The following ANK3 variants were observed in gnomAD, a reference collection of about 807,000 sequenced individuals.
ANK3 encodes the protein ankyrin 3.
A neutral mutation model predicts 370.9 loss-of-function variants in ANK3; 57 were observed. The ratio of observed to expected loss-of-function variants is 0.15; its 90% CI spans 0.12 to 0.19. ANK3 has a LOEUF of 0.19. Ranked by LOEUF, ANK3 falls within the 10% of genes least tolerant of loss-of-function variation. ANK3 has a pLI of 1.00. For missense variants in ANK3, 4,439 were observed against 5,302.1 expected (o/e 0.84, Z 5.06); for synonymous variants, 1,929 against 1,946.3 (o/e 0.99, Z 0.23).
intron 1 of ANK3, among the ~76,000 whole-genome samples, chr10:60,634,417 T>A (rs963327043): frequency 6.6e-6 from 1 of 151,762 alleles, no homozygotes; most frequent in Non-Finnish European, 1.5e-5. Flanking sequence ...CTGGGTCGAG[T>A]GGGGACTTGG....
chr10:60,521,606 C>T (rs991945435), intron 2 of ANK3, among the ~76,000 whole-genome samples: 3 of 152,222 alleles, frequency 2.0e-5, no homozygotes, highest in Middle Eastern at 3.4e-3. Context: ...AAGACCAATA[C>T]AGACAGTAGC....
In ANK3 at chr10:60,074,419, A is replaced by C. The variant is rs759164375; in HGVS notation, c.6462T>G (p.His2154Gln). 5.6e-6 allele frequency: 9 copies of C among 1,614,010 alleles called. No individual in the cohort carries two copies. Among genetic ancestry groups the C allele is most frequent in the Middle Eastern group, 3.3e-4 (2 of 6,082 alleles). Residue 2154 changes from histidine to glutamine, a missense_variant, in exon 37 of 44, where the codon CAT (histidine) becomes CAG (glutamine). By Grantham distance (24) the His-to-Gln change is conservative. Transcript: ENST00000280772. Reference protein sequence around the residue: ...AESTGPKPLFHEVPIPPVITE... With the variant: ...AESTGPKPLFQEVPIPPVITE... Reference sequence around the variant, plus strand: ...TAATGACAGGAGGGATGGGAACTTCATGAAAAAGTGGTTTAGGACCAGTGC... The same window carrying C: ...TAATGACAGGAGGGATGGGAACTTCCTGAAAAAGTGGTTTAGGACCAGTGC...
chr10:60,062,674 T>A (rs2080825338), intron 40 of ANK3: 1 of 152,434 alleles, frequency 6.6e-6, no homozygotes, highest in Non-Finnish European at 1.5e-5. Flanking sequence ...CATTTTACCT[T>A]ACAATTTGTA....
rs779350430 is a variant in ANK3 at position 60,071,148 on chromosome 10, T to G, written c.9733A>C (p.Lys3245Gln). 1.9e-6 allele frequency: 3 copies of G among 1,614,140 alleles called. No individual in the cohort carries two copies. The highest frequency in any genetic ancestry group is 2.2e-5 in the South Asian group (2 of 91,086). The change falls in exon 37 of 44, where the codon AAA becomes CAA. Residue 3245 changes from lysine (K) to glutamine (Q), a missense_variant. Around this residue, in one of 13 missense-constraint regions of ANK3, gnomAD observed 1,601 missense variants for 1,731.7 expected, o/e 0.92. Transcript: ENST00000280772. ...DVSKDSNQRP[K>Q]NNRVAYIEFP... The stretch of plus-strand genomic sequence containing the variant: ...TCAATATAGGCAACTCTGTTATTTT[T>G]GGGTCTTTGGTTAGAGTCTTTGCTC...
rs777057104 is a variant in ANK3, at chr10:60,069,316, T to C, written c.11565A>G (p.Glu3855=). The C allele has an allele frequency of 1.9e-6, 3 of 1,614,180 alleles. No individual in the cohort carries two copies. The highest frequency in any genetic ancestry group is 2.5e-6 in the Non-Finnish European group (3 of 1,180,012). The part of the protein sequence containing the change: ...KVLGEQQKTK[E]LIGIRQKSKL... ...TGGATTTTTGCCTAATCCCTATCAA[T>C]TCCTTTGTTTTTTGCTGTTCTCCAA... Residue 3855 remains glutamate, a synonymous_variant, in exon 37 of 44, where the codon GAA becomes GAG. Transcript: ENST00000280772.
chr10:60,523,228 CTTTAT>C (rs745656612), intron 2 of ANK3, among the ~76,000 whole-genome samples: 197 of 151,768 alleles, frequency 1.3e-3, no homozygotes, highest in African/African-American at 1.6e-3. Context: ...ACACATTTTT[CTTTAT>C]TTTATTTTAT....
chr10:60,351,519 G>A (rs558616326), intron 1 of ANK3, among the ~76,000 whole-genome samples: 27 of 152,086 alleles, frequency 1.8e-4, no homozygotes, highest in Non-Finnish European at 3.5e-4. Context: ...GGAGCATTGG[G>A]GAAGTTCCTT....
intron 43 of ANK3, among the ~76,000 whole-genome samples, chr10:60,035,133 T>C (rs1014243572): frequency 7.9e-5 from 12 of 152,224 alleles, no homozygotes; most frequent in Non-Finnish European, 5.9e-5. Flanking sequence ...ATATTTATTC[T>C]AAACTGTTCT....
At chr10:60,238,798 T>G (rs944482965) in intron 7 of ANK3, among the ~76,000 whole-genome samples, 5 of 151,958 alleles carry the variant, frequency 3.3e-5, no homozygotes, top group Non-Finnish European at 4.4e-5. Flanking sequence ...CTCTCACATT[T>G]GCAGCACAGA....
intron 14 of ANK3, 148 bp from the exon 15 acceptor site, chr10:60,196,773 A>G: frequency 1.7e-6 from 1 of 601,010 alleles, no homozygotes; most frequent in Admixed American, 2.9e-5. Flanking sequence ...ATTGATGATG[A>G]GCAGTGAAGT....
At chr10:60,445,415 A>G (rs1378026922) in intron 2 of ANK3, among the ~76,000 whole-genome samples, 2 of 152,084 alleles carry the variant, frequency 1.3e-5, no homozygotes, top group Non-Finnish European at 2.9e-5. Context: ...AAGCAAGCAA[A>G]CAAACAAACA....
Position 60,436,887 on chromosome 10 carries a change from T to G in ANK3, c.97-157248A>C, listed in dbSNP as rs905502810. ...CTATTTTAATCCACAAATATTGTGG[T>G]GGATTTAAACAGAAACAGAACAACA... On this transcript the variant is annotated intron_variant, in intron 2 of 43. Coordinates refer to the ANK3 transcript ENST00000373827. Among the ~76,000 whole-genome samples the G allele has an allele frequency of 9.2e-5, 14 of 152,186 alleles. No homozygotes were observed. In the East Asian group the frequency reaches 1.5e-3, roughly 17 times the overall value.
At chr10:60,109,765 T>C (rs186393881) in intron 26 of ANK3, among the ~76,000 whole-genome samples, 3 of 152,240 alleles carry the variant, frequency 2.0e-5, no homozygotes, top group African/African-American at 7.2e-5. Flanking sequence ...ATTGGCCTTT[T>C]ATTAAAGCTA....
intron 43 of ANK3, among the ~76,000 whole-genome samples, chr10:60,041,618 T>C (rs548495016): frequency 1.3e-5 from 2 of 152,352 alleles, no homozygotes; most frequent in South Asian, 4.1e-4. Context: ...GTAGTAAACA[T>C]TCTTTCCAGA....
chr10:60,029,849 G>C (rs1255901273), intron 43 of ANK3, 23 bp from the exon 44 acceptor site: 1 of 129,142 alleles, frequency 7.7e-6, no homozygotes, highest in African/African-American at 3.1e-5. Context: ...ACAGTAGATA[G>C]TGAGTTTAGC....
chr10:60,666,435 G>A (rs1232105186), intron 1 of ANK3, among the ~76,000 whole-genome samples: 1 of 152,126 alleles, frequency 6.6e-6, no homozygotes, highest in Non-Finnish European at 1.5e-5. Context: ...TGTGTAATGA[G>A]TACAGAGCTA....
chr10:60,578,340 T>C (rs2077707398), intron 2 of ANK3, among the ~76,000 whole-genome samples: 1 of 152,208 alleles, frequency 6.6e-6, no homozygotes, highest in South Asian at 2.1e-4. Context: ...AGCAGTGTAA[T>C]TTTCTTTCAC....
intron 2 of ANK3, among the ~76,000 whole-genome samples, chr10:60,409,587 G>A (rs1195251110): frequency 6.6e-6 from 1 of 152,130 alleles, no homozygotes; most frequent in Admixed American, 6.6e-5. Flanking sequence ...GGCTCCTTCT[G>A]TTTCTGATGC....
intron 1 of ANK3, 129 bp from the exon 2 acceptor site, chr10:60,279,768 G>A (rs1341448415): frequency 1.3e-6 from 1 of 742,610 alleles, no homozygotes; most frequent in Non-Finnish European, 2.2e-6. Flanking sequence ...ATGAATAAAA[G>A]TTCTTTGTAA....
Sources: gnomAD v4.1 joint callset for allele counts (sites outside exome capture counted in the v4.1 genomes callset) on GRCh38, gnomAD v4.1.1 for gene constraint, gnomAD v4.1.1 regional missense constraint, MANE v1.5 for transcripts, NCBI Gene and HGNC (gene_info 2026-07-23, HGNC 2026-07-21) for gene names.